The following CSMD1 variants were observed in gnomAD, a reference collection of about 807,000 sequenced individuals.
The protein encoded by CSMD1 is CUB and sushi domain-containing protein 1.
In CSMD1, 213 loss-of-function variants were observed where a neutral mutation model predicts 417.5. The observed-to-expected ratio is 0.51, with a 90% CI of 0.46 to 0.57. The LOEUF (loss-of-function observed/expected upper bound fraction) is 0.57. CSMD1 is among the 20% of genes least tolerant of loss of function. The pLI, the probability that CSMD1 is intolerant of heterozygous loss-of-function variation, is 0.00. For synonymous variants in CSMD1, 2,862 were observed against 1,736.8 expected (o/e 1.65, Z -16.11); for missense variants, 6,923 against 4,529.7 (o/e 1.53, Z -15.17).
At chr8:4,674,576 C>T (rs1161366734) in intron 1 of CSMD1, among the ~76,000 whole-genome samples, 10 of 152,096 alleles carry the variant, frequency 6.6e-5, no homozygotes, top group African/African-American at 1.7e-4. Context: ...TACCACTAAC[C>T]GTTCTGGTAC....
intron 57 of CSMD1, among the ~76,000 whole-genome samples, chr8:2,967,434 C>G (rs1421089519): frequency 6.6e-6 from 1 of 152,158 alleles, no homozygotes. Context: ...TGCAACAGGT[C>G]TACACTCTGT....
intron 12 of CSMD1, among the ~76,000 whole-genome samples, chr8:3,438,977 T>C (rs1303263097): frequency 6.6e-6 from 1 of 150,700 alleles, no homozygotes; most frequent in South Asian, 2.1e-4. Context: ...TAGCCGGGCA[T>C]GGTAGTGGGC....
At chr8:3,646,452 G>T (rs929083581) in intron 7 of CSMD1, among the ~76,000 whole-genome samples, 2 of 151,994 alleles carry the variant, frequency 1.3e-5, no homozygotes, top group African/African-American at 4.8e-5. Flanking sequence ...TGTAAATAAG[G>T]GAAAATCGCA....
intron 7 of CSMD1, among the ~76,000 whole-genome samples, chr8:3,685,557 C>T (rs534958402): frequency 3.9e-5 from 6 of 152,156 alleles, no homozygotes; most frequent in Admixed American, 2.6e-4. Context: ...AATGTAACAA[C>T]GGGTTACAAA....
intron 2 of CSMD1, among the ~76,000 whole-genome samples, chr8:4,516,508 TC>T (rs1451030651): frequency 6.6e-6 from 1 of 151,954 alleles, no homozygotes; most frequent in Non-Finnish European, 1.5e-5. Flanking sequence ...TGATCCCCCT[TC>T]CTTGGGGAGT....
chr8:3,494,428 G>C lies in CSMD1; in HGVS notation c.1345-702C>G, dbSNP rs151086409. Among the ~76,000 whole-genome samples the C allele has an allele frequency of 3.8e-4, 58 of 152,172 alleles. No individual in the cohort carries two copies. In the East Asian group the frequency reaches 0.011, roughly 28 times the overall value. On this transcript the variant is annotated intron_variant, in intron 10 of 69. Coordinates refer to ENST00000635120, the MANE Select transcript of CSMD1 (RefSeq NM_033225.6). ...CAATACTATGAGGAAGAAAAAGTTAGGCTAGAACCCTGGGTAGTAAGGAGA... is the reference window on the plus strand; with the variant it reads ...CAATACTATGAGGAAGAAAAAGTTACGCTAGAACCCTGGGTAGTAAGGAGA...
intron 52 of CSMD1, among the ~76,000 whole-genome samples, chr8:3,016,426 G>C (rs1293935928): frequency 3.9e-5 from 6 of 152,164 alleles, no homozygotes; most frequent in Admixed American, 3.9e-4. Context: ...TGTTCTTGCT[G>C]AGTTTCACAT....
intron 7 of CSMD1, among the ~76,000 whole-genome samples, chr8:3,643,520 G>A (rs575444359): frequency 1.3e-5 from 2 of 151,900 alleles, no homozygotes; most frequent in Non-Finnish European, 2.9e-5. Flanking sequence ...GGCTAACACA[G>A]TGAAATCCAG....
chr8:2,963,467 A>G, intron 59 of CSMD1, 72 bp from the exon 60 acceptor site: 3 of 1,466,748 alleles, frequency 2.0e-6, no homozygotes, highest in Admixed American at 3.7e-5. Context: ...AACGATTCCC[A>G]TTTTAATTTT....
chr8:4,037,400 G>A (rs375687222), intron 3 of CSMD1, among the ~76,000 whole-genome samples: 68 of 152,258 alleles, frequency 4.5e-4, no homozygotes, highest in African/African-American at 1.5e-3. Flanking sequence ...ACAGCCCAGT[G>A]GCATTATAGA....
intron 5 of CSMD1, among the ~76,000 whole-genome samples, chr8:3,896,776 C>G (rs1378358420): frequency 6.6e-6 from 1 of 151,928 alleles, no homozygotes; most frequent in Non-Finnish European, 1.5e-5. Context: ...ACGTAAACAG[C>G]AAGTATATTG....
At chr8:4,866,332 T>A (rs1802417080) in intron 1 of CSMD1, among the ~76,000 whole-genome samples, 1 of 152,004 alleles carries the variant, frequency 6.6e-6, no homozygotes, top group Non-Finnish European at 1.5e-5. Context: ...TCCAGAGATT[T>A]CTTTACAAAC....
At chr8:4,215,403 G>C (rs951020516) in intron 3 of CSMD1, among the ~76,000 whole-genome samples, 2 of 152,126 alleles carry the variant, frequency 1.3e-5, no homozygotes, top group Admixed American at 6.5e-5. Context: ...TTCAGGCAAA[G>C]ATACCATGTC....
intron 37 of CSMD1, among the ~76,000 whole-genome samples, chr8:3,173,763 T>C (rs573621078): frequency 1.3e-5 from 2 of 152,298 alleles, no homozygotes; most frequent in South Asian, 2.1e-4. Context: ...ATGTTACTCA[T>C]GTTCACCAAA....
rs1175588501 is a variant in CSMD1, at chr8:3,613,375, G to C, written c.1097+3335C>G. 5 of 290,984 alleles carry C rather than the reference G, an allele frequency of 1.7e-5. No individual in the cohort carries two copies. The East Asian group carries it at 5.1e-4, about 30-fold the overall frequency. 18.0% of individuals were successfully genotyped at this position (290,984 alleles called of 1,614,324 possible). On this transcript the variant is annotated intron_variant, in intron 8 of 69. Transcript: ENST00000635120. Reference sequence around the variant, plus strand: ...ACAATTATACACAAACTCTTCTATGGTATTCCAGAGAAGAGAACATTTTTC... The same window carrying C: ...ACAATTATACACAAACTCTTCTATGCTATTCCAGAGAAGAGAACATTTTTC...
rs1563064137 is a variant in CSMD1, at chr8:3,772,387, TTA to T, written c.819-18347_819-18346del. 1.8e-5 allele frequency among the ~76,000 whole-genome samples: 2 copies of T among 109,174 alleles called. 1 individual carries two copies. The highest frequency in any genetic ancestry group is 8.4e-5 in the African/African-American group (2 of 23,840). The allele number at this position is 109,174 out of a possible 152,430, so 71.6% of individuals were successfully genotyped here. On this transcript the variant is annotated intron_variant, in intron 5 of 69. Coordinates refer to ENST00000635120, the MANE Select transcript of CSMD1 (RefSeq NM_033225.6). ...TACATATATACATATATTCATATAT[TTA>T]TATATACACATATATACATATATTT...
intron 2 of CSMD1, among the ~76,000 whole-genome samples, chr8:4,545,684 C>A (rs1397764609): frequency 1.3e-5 from 2 of 152,112 alleles, no homozygotes; most frequent in African/African-American, 4.8e-5. Flanking sequence ...GAGACATGCT[C>A]ACTATTTTCT....
At chr8:3,968,760 G>T (rs1182130053) in intron 5 of CSMD1, among the ~76,000 whole-genome samples, 1 of 152,136 alleles carries the variant, frequency 6.6e-6, no homozygotes, top group Admixed American at 6.5e-5. Context: ...CAACCAAAAT[G>T]CTGAAGATGG....
chr8:3,382,477 C>A (rs1455121992), intron 18 of CSMD1, among the ~76,000 whole-genome samples: 42 of 70,526 alleles, frequency 6.0e-4, no homozygotes, highest in East Asian at 3.9e-3. Flanking sequence ...TATATATAAT[C>A]TATATATTTA....
Sources: gnomAD v4.1 joint callset for allele counts (sites outside exome capture counted in the v4.1 genomes callset) on GRCh38, gnomAD v4.1.1 for gene constraint, MANE v1.5 for transcripts, NCBI Gene and HGNC (gene_info 2026-07-23, HGNC 2026-07-21) for gene names.